Variants in PSMA8 observed in about 807,000 individuals in gnomAD.
PSMA8 encodes the protein proteasome 20S subunit alpha 8, also known as proteasome subunit alpha-type 8.
In PSMA8, 18 loss-of-function variants were observed where a neutral mutation model predicts 32.4. The ratio of observed to expected loss-of-function variants is 0.56; its 90% CI spans 0.38 to 0.82. The LOEUF is 0.82. Among genes scored for constraint, PSMA8 ranks in the 40% least tolerant of loss-of-function variants. The probability of loss-of-function intolerance (pLI) is 0.00; values close to 1 mark genes in which losing one functional copy is unlikely to be tolerated. For missense variants in PSMA8, 298 were observed against 300.7 expected (o/e 0.99, Z 0.07); for synonymous variants, 104 against 98.1 (o/e 1.06, Z -0.36).
At chr18:26,153,744 A>G (rs2055064316) in intron 3 of PSMA8, among the ~76,000 whole-genome samples, 1 of 151,930 alleles carries the variant, frequency 6.6e-6, no homozygotes, top group African/African-American at 2.4e-5. Flanking sequence ...TGGGCAAACT[A>G]TTTTCCTACT....
intron 2 of PSMA8, among the ~76,000 whole-genome samples, chr18:26,151,215 T>C (rs1204307052): frequency 1.3e-5 from 2 of 152,174 alleles, no homozygotes. Flanking sequence ...GCTTCCAAGA[T>C]TTTGTGAGTG....
intron 1 of PSMA8, among the ~76,000 whole-genome samples, chr18:26,134,355 G>A (rs1240688749): frequency 7.4e-6 from 1 of 134,984 alleles, no homozygotes; most frequent in African/African-American, 3.7e-5. Context: ...GTGTGTGTGT[G>A]TGTGTGTGTC....
intron 6 of PSMA8, among the ~76,000 whole-genome samples, chr18:26,184,474 T>C (rs1198851021): frequency 6.6e-6 from 1 of 150,504 alleles, no homozygotes; most frequent in Non-Finnish European, 1.5e-5. Flanking sequence ...TTTGAAGATC[T>C]ATTAGAAGTT....
chr18:26,136,901 T>C (rs2054915750), intron 1 of PSMA8, among the ~76,000 whole-genome samples: 1 of 152,236 alleles, frequency 6.6e-6, no homozygotes, highest in South Asian at 2.1e-4. Flanking sequence ...TTTAATCCCC[T>C]TTTATTATGT....
Position 26,144,606 on chromosome 18 carries a change from A to G in PSMA8, c.150A>G (p.Lys50=), listed in dbSNP as rs1462854146. 1 of 1,613,838 alleles carries G rather than the reference A, an allele frequency of 6.2e-7. No individual in the cohort carries two copies. ...TAGTTGTTCTTGGGGTAGAAAAAAA[A>G]TCTGTTGCCAAGCTTCAAGATGAAA... ...TNIVVLGVEK[K]SVAKLQDERT... The change falls in exon 2 of 7, where the codon AAA becomes AAG. Residue 50 remains lysine, a synonymous_variant. Coordinates refer to ENST00000415576, the MANE Select transcript of PSMA8 (RefSeq NM_001025096.2).
intron 3 of PSMA8, among the ~76,000 whole-genome samples, chr18:26,156,780 A>G (rs1217293087): frequency 6.7e-6 from 1 of 149,894 alleles, no homozygotes; most frequent in African/African-American, 2.4e-5. Flanking sequence ...ATGCTACTCT[A>G]TATAGATTTT....
chr18:26,177,095 T>C (rs959705288), intron 4 of PSMA8, among the ~76,000 whole-genome samples: 3 of 152,240 alleles, frequency 2.0e-5, no homozygotes, highest in African/African-American at 7.2e-5. Flanking sequence ...AAAGCTTGGC[T>C]TGTTGATTCA....
At chr18:26,183,871 A>T (rs2055332150) in intron 6 of PSMA8, among the ~76,000 whole-genome samples, 1 of 150,652 alleles carries the variant, frequency 6.6e-6, no homozygotes, top group Admixed American at 6.6e-5. Context: ...GTCTTATTTT[A>T]AGAAATTCCC....
chr18:26,155,454 A>G lies in PSMA8; in HGVS notation c.355-2668A>G, dbSNP rs570785326. On this transcript the variant is annotated intron_variant, in intron 3 of 6. Coordinates refer to ENST00000415576, the MANE Select transcript of PSMA8 (RefSeq NM_001025096.2). ...ATAGCATGGTGCTTTTGTAAAAAGC[A>G]GACACATAGGCCGATGGAACAGAAT... Among the ~76,000 whole-genome samples, 6 of 152,346 alleles carry G rather than the reference A, an allele frequency of 3.9e-5. 1 individual carries two copies. In the South Asian group the frequency reaches 1.0e-3, roughly 26 times the overall value.
intron 4 of PSMA8, among the ~76,000 whole-genome samples, 165 bp from the exon 5 acceptor site, chr18:26,178,665 C>A (rs1202876964): frequency 6.6e-6 from 1 of 152,160 alleles, no homozygotes; most frequent in Non-Finnish European, 1.5e-5. Context: ...TGATAGTAAC[C>A]AAATGAGCTA....
chr18:26,167,551 G>T (rs965588060), intron 4 of PSMA8, among the ~76,000 whole-genome samples: 1 of 152,310 alleles, frequency 6.6e-6, no homozygotes, highest in African/African-American at 2.4e-5. Flanking sequence ...AATAGGGCCT[G>T]TAGGGAGATA....
chr18:26,147,865 A>C (rs775516060), intron 2 of PSMA8, among the ~76,000 whole-genome samples: 3 of 152,196 alleles, frequency 2.0e-5, no homozygotes, highest in Non-Finnish European at 2.9e-5. Context: ...TGAGAAATGA[A>C]GAAGGGGACA....
intron 1 of PSMA8, among the ~76,000 whole-genome samples, chr18:26,140,877 ATGTT>A (rs1308623513): frequency 1.3e-5 from 2 of 152,204 alleles, no homozygotes; most frequent in African/African-American, 4.8e-5. Context: ...AAATTATTGC[ATGTT>A]TGTTAGTGAA....
chr18:26,150,842 AT>A (rs2055040299), intron 2 of PSMA8, among the ~76,000 whole-genome samples: 1 of 152,128 alleles, frequency 6.6e-6, no homozygotes, highest in Non-Finnish European at 1.5e-5. Flanking sequence ...GTTTGATCAT[AT>A]TTCAGATTGA....
chr18:26,145,737 C>T (rs1037144266), intron 2 of PSMA8, among the ~76,000 whole-genome samples: 1 of 152,110 alleles, frequency 6.6e-6, no homozygotes, highest in Admixed American at 6.5e-5. Context: ...AATAAAGGCA[C>T]CAGTGGGTTT....
intron 3 of PSMA8, among the ~76,000 whole-genome samples, chr18:26,154,126 T>C (rs2055068084): frequency 6.6e-6 from 1 of 152,212 alleles, no homozygotes; most frequent in Admixed American, 6.5e-5. Flanking sequence ...GGTCTCGAAC[T>C]CCTGAGCTCA....
At chr18:26,160,430 C>T (rs1303154591) in intron 4 of PSMA8, among the ~76,000 whole-genome samples, 1 of 152,196 alleles carries the variant, frequency 6.6e-6, no homozygotes, top group Non-Finnish European at 1.5e-5. Context: ...ATTATTTTCT[C>T]TGCATGTTAT....
chr18:26,169,146 T>C (rs1598660983), intron 4 of PSMA8, among the ~76,000 whole-genome samples: 1 of 131,760 alleles, frequency 7.6e-6, no homozygotes, highest in East Asian at 2.2e-4. Flanking sequence ...AATGCCCAGC[T>C]AATTTCTGTG....
At chr18:26,145,864 G>A (rs1184770309) in intron 2 of PSMA8, among the ~76,000 whole-genome samples, 1 of 152,044 alleles carries the variant, frequency 6.6e-6, no homozygotes, top group East Asian at 1.9e-4. Flanking sequence ...TCATTTCTCT[G>A]GGACAAATTC....
Sources: gnomAD v4.1 joint callset for allele counts (sites outside exome capture counted in the v4.1 genomes callset) on GRCh38, gnomAD v4.1.1 for gene constraint, MANE v1.5 for transcripts, NCBI Gene and HGNC (gene_info 2026-07-23, HGNC 2026-07-21) for gene names.